Variants in ROBO2 observed in about 807,000 individuals in gnomAD.
ROBO2 encodes the protein roundabout homolog 2.
ROBO2 carries 53 observed loss-of-function variants against 160.8 expected under a neutral mutation model. The observed-to-expected ratio is 0.33, with a 90% CI of 0.26 to 0.41. ROBO2 has a LOEUF of 0.41. ROBO2 is among the 10% of genes least tolerant of loss of function. ROBO2 has a pLI of 1.00. For synonymous variants in ROBO2, 664 were observed against 611.7 expected, an observed-to-expected ratio of 1.09 and a Z score of -1.26; for missense variants, 1,577 against 1,722.4, an observed-to-expected ratio of 0.92 and a Z score of 1.49.
intron 2 of ROBO2, among the ~76,000 whole-genome samples, chr3:77,377,671 T>C (rs2072875453): frequency 6.6e-6 from 1 of 152,216 alleles, no homozygotes. Context: ...CTGTCCATTG[T>C]ACCATGTTGT....
intron 2 of ROBO2, among the ~76,000 whole-genome samples, chr3:76,487,095 G>A (rs570840509): frequency 6.2e-4 from 94 of 152,110 alleles, no homozygotes; most frequent in African/African-American, 2.1e-3. Context: ...ACAGCCTCTC[G>A]GGTGGCTAGG....
At chr3:76,987,274 C>T (rs1201937967) in intron 2 of ROBO2, among the ~76,000 whole-genome samples, 2 of 152,178 alleles carry the variant, frequency 1.3e-5, no homozygotes, top group Non-Finnish European at 2.9e-5. Flanking sequence ...CTAGAGATCT[C>T]GGCCTTTTAC....
intron 16 of ROBO2, among the ~76,000 whole-genome samples, chr3:77,586,578 A>T (rs2094055419): frequency 6.6e-6 from 1 of 152,066 alleles, no homozygotes; most frequent in South Asian, 2.1e-4. Flanking sequence ...AACTGACAAC[A>T]TTGTTTCAAA....
At chr3:75,967,836 G>A (rs1949172687) in intron 2 of ROBO2, among the ~76,000 whole-genome samples, 1 of 151,358 alleles carries the variant, frequency 6.6e-6, no homozygotes, top group African/African-American at 2.4e-5. Flanking sequence ...GTATTTGGAA[G>A]CAGATATTAT....
intron 2 of ROBO2, among the ~76,000 whole-genome samples, chr3:77,323,026 A>G (rs1166812357): frequency 7.2e-3 from 21 of 2,934 alleles, no homozygotes; most frequent in Non-Finnish European, 0.054. Flanking sequence ...ATAATATAAT[A>G]TATTATATTA....
intron 2 of ROBO2, among the ~76,000 whole-genome samples, chr3:76,005,097 C>G (rs2065983913): frequency 6.6e-6 from 1 of 152,220 alleles, no homozygotes; most frequent in African/African-American, 2.4e-5. Flanking sequence ...TCACCAGACG[C>G]TTGCCTTTGC....
intron 2 of ROBO2, among the ~76,000 whole-genome samples, chr3:76,014,810 C>G (rs1214330701): frequency 6.6e-6 from 1 of 152,116 alleles, no homozygotes; most frequent in Admixed American, 6.6e-5. Flanking sequence ...TGCGTGTAGT[C>G]CCACCTACCT....
At chr3:77,262,660 G>A (rs2058849530) in intron 2 of ROBO2, among the ~76,000 whole-genome samples, 1 of 151,920 alleles carries the variant, frequency 6.6e-6, no homozygotes, top group South Asian at 2.1e-4. Context: ...AAAAATATAT[G>A]CCAAAAAAAG....
At chr3:76,392,657 A>G (rs1488782871) in intron 2 of ROBO2, among the ~76,000 whole-genome samples, 1 of 152,106 alleles carries the variant, frequency 6.6e-6, no homozygotes, top group Non-Finnish European at 1.5e-5. Context: ...ACGGTTGCCA[A>G]TTTTTTCTCA....
intron 2 of ROBO2, among the ~76,000 whole-genome samples, chr3:76,777,633 C>T (rs926019784): frequency 3.3e-5 from 5 of 150,326 alleles, no homozygotes; most frequent in Admixed American, 6.6e-5. Context: ...AGTGACGTTC[C>T]TTATATCTTA....
At chr3:77,197,351 T>C (rs139231311) in intron 2 of ROBO2, among the ~76,000 whole-genome samples, 1 of 152,232 alleles carries the variant, frequency 6.6e-6, no homozygotes, top group African/African-American at 2.4e-5. Flanking sequence ...TACTTCGCAA[T>C]GAATATTCAG....
chr3:76,922,496 G>A (rs188175375), intron 2 of ROBO2, among the ~76,000 whole-genome samples: 2 of 152,172 alleles, frequency 1.3e-5, no homozygotes, highest in East Asian at 1.9e-4. Flanking sequence ...AGCATTCAAC[G>A]GAAAGAGCTT....
intron 2 of ROBO2, among the ~76,000 whole-genome samples, chr3:77,295,867 C>T (rs1321652417): frequency 2.7e-5 from 4 of 146,936 alleles, no homozygotes; most frequent in Admixed American, 2.1e-4. Context: ...GCTAGATCAC[C>T]CCAGACACAA....
intron 2 of ROBO2, among the ~76,000 whole-genome samples, chr3:77,444,260 A>C (rs1387570423): frequency 6.6e-6 from 1 of 152,206 alleles, no homozygotes; most frequent in African/African-American, 2.4e-5. Context: ...ATAACCTCCT[A>C]TTTAATACAG....
At chr3:77,068,439 A>G (rs538394942) in intron 1 of ROBO2, among the ~76,000 whole-genome samples, 1 of 152,162 alleles carries the variant, frequency 6.6e-6, no homozygotes, top group African/African-American at 2.4e-5. Flanking sequence ...CCCTATTAAG[A>G]ATATAATCTT....
At chr3:76,871,606 T>A (rs1291398015) in intron 2 of ROBO2, among the ~76,000 whole-genome samples, 1 of 151,180 alleles carries the variant, frequency 6.6e-6, no homozygotes, top group Non-Finnish European at 1.5e-5. Flanking sequence ...AAACTTCCAA[T>A]CAACCATTGA....
chr3:76,033,688 G>T (rs2067004951), intron 2 of ROBO2, among the ~76,000 whole-genome samples: 1 of 152,216 alleles, frequency 6.6e-6, no homozygotes, highest in African/African-American at 2.4e-5. Flanking sequence ...TGGGCAGGAT[G>T]AAGAAGAGAT....
chr3:77,466,817 G>T (rs2082809357), intron 2 of ROBO2, among the ~76,000 whole-genome samples: 1 of 152,154 alleles, frequency 6.6e-6, no homozygotes, highest in Non-Finnish European at 1.5e-5. Context: ...GCACTGTAGG[G>T]TGCCCTAATG....
intron 2 of ROBO2, among the ~76,000 whole-genome samples, chr3:76,129,226 T>C (rs2071126863): frequency 6.6e-6 from 1 of 152,124 alleles, no homozygotes; most frequent in Non-Finnish European, 1.5e-5. Context: ...AAATATTCTT[T>C]AGTGTTACGG....
Sources: allele counts gnomAD v4.1 joint callset (sites outside exome capture counted in the v4.1 genomes callset), GRCh38; gene constraint gnomAD v4.1.1; transcripts MANE v1.5; gene names NCBI Gene and HGNC (gene_info 2026-07-23, HGNC 2026-07-21).